Variants in SUMF1 observed in about 807,000 individuals in gnomAD.
SUMF1 encodes formylglycine-generating enzyme.
SUMF1 carries 48 observed loss-of-function variants against 47.6 expected under a neutral mutation model. The observed-to-expected ratio is 1.01, with a 90% CI of 0.80 to 1.28. SUMF1 has a LOEUF of 1.28. Ranked by LOEUF, SUMF1 falls within the 50% of genes most tolerant of loss-of-function variation. The pLI, the probability that SUMF1 is intolerant of heterozygous loss-of-function variation, is 0.00. For synonymous variants in SUMF1, 230 were observed against 192.1 expected (o/e 1.20, Z -1.63); for missense variants, 571 against 485.4 (o/e 1.18, Z -1.66).
rs114718718 is a variant in SUMF1 at position 4,202,410 on chromosome 3, T to C, written c.1015-133665A>G. On this transcript the variant is annotated intron_variant and NMD_transcript_variant, in intron 8 of 12. Transcript: ENST00000448413. The stretch of plus-strand genomic sequence containing the variant: ...GGCACCTCTGTCAAAAATGAATTCA[T>C]TGTAGATGTTTATGGTTGTATTTAT... Among the ~76,000 whole-genome samples the C allele has an allele frequency of 7.8e-3, 1,193 of 152,088 alleles. 3 individuals carry two copies. Among genetic ancestry groups the C allele is most frequent in the Middle Eastern group, 0.024 (7 of 294 alleles).
Position 4,216,076 on chromosome 3 carries a change from T to C in SUMF1, c.1015-147331A>G, listed in dbSNP as rs542125684. Among the ~76,000 whole-genome samples the C allele has an allele frequency of 4.6e-5, 7 of 152,246 alleles. No individual in the cohort carries two copies. The South Asian group carries it at 1.0e-3, about 23-fold the overall frequency. On this transcript the variant is annotated intron_variant and NMD_transcript_variant, in intron 8 of 12. Coordinates refer to the SUMF1 transcript ENST00000448413. ...ATATGGAACCAAAAAAGAGCCCACATAGCCAAGACAATCCTAAGCAAAAAG... is the reference window on the plus strand; with the variant it reads ...ATATGGAACCAAAAAAGAGCCCACACAGCCAAGACAATCCTAAGCAAAAAG...
intron 9 of SUMF1, among the ~76,000 whole-genome samples, chr3:4,042,296 A>G (rs1180791496): frequency 6.6e-6 from 1 of 152,244 alleles, no homozygotes; most frequent in Non-Finnish European, 1.5e-5. Context: ...CAATTGTCCA[A>G]ATCAAAATGG....
intron 8 of SUMF1, among the ~76,000 whole-genome samples, chr3:4,291,393 CCTT>C (rs749198682): frequency 4.6e-5 from 7 of 152,256 alleles, no homozygotes; most frequent in East Asian, 1.9e-4. Flanking sequence ...TGCTCTCTCT[CCTT>C]GTCTCCTGCA....
At chr3:4,417,324 A>G in intron 5 of SUMF1, 82 bp from the exon 6 acceptor site, 2 of 1,097,546 alleles carry the variant, frequency 1.8e-6, no homozygotes, top group Non-Finnish European at 1.4e-6. Flanking sequence ...GCAATGAAAA[A>G]GAGAACATTG....
intron 8 of SUMF1, among the ~76,000 whole-genome samples, chr3:4,307,753 C>T (rs1698246885): frequency 6.6e-6 from 1 of 152,056 alleles, no homozygotes; most frequent in African/African-American, 2.4e-5. Flanking sequence ...TTAAAAAATC[C>T]CAGCCAGGCA....
In SUMF1 at chr3:4,442,638, G is replaced by GAAAAA. The variant is rs61296884; in HGVS notation, c.519+6623_519+6627dup. On this transcript the variant is annotated intron_variant, in intron 3 of 8. Coordinates refer to ENST00000272902, the MANE Select transcript of SUMF1 (RefSeq NM_182760.4). Reference sequence around the variant, plus strand: ...AAATAGAGGGACAAGAGAGAAAAAGGAAAAAAAAAAAAAAGAGAGAGAAAA... The same window carrying GAAAAA: ...AAATAGAGGGACAAGAGAGAAAAAGGAAAAAAAAAAAAAAAAAAAGAGAGAGAAAA... Among the ~76,000 whole-genome samples, 177 of 61,308 alleles carry GAAAAA rather than the reference G, an allele frequency of 2.9e-3. 3 individuals are homozygous for GAAAAA. The highest frequency in any genetic ancestry group is 7.0e-3 in the African/African-American group (153 of 21,904). 40.2% of individuals were successfully genotyped at this position (61,308 alleles called of 152,430 possible). A position where few individuals can be genotyped will look rare whatever the true frequency, so the allele number is the denominator to read the frequency against.
intron 9 of SUMF1, among the ~76,000 whole-genome samples, chr3:4,051,277 C>T (rs1156340458): frequency 1.3e-5 from 2 of 151,832 alleles, no homozygotes; most frequent in Non-Finnish European, 2.9e-5. Context: ...GCTTTATTTC[C>T]TATCTCCACA....
intron 7 of SUMF1, among the ~76,000 whole-genome samples, chr3:4,386,586 C>T (rs1700680756): frequency 6.6e-6 from 1 of 151,976 alleles, no homozygotes; most frequent in African/African-American, 2.4e-5. Flanking sequence ...ATCTGTATAC[C>T]TCTTATTTCC....
intron 8 of SUMF1, among the ~76,000 whole-genome samples, chr3:4,261,479 T>A (rs1193160422): frequency 6.6e-6 from 1 of 152,234 alleles, no homozygotes; most frequent in Non-Finnish European, 1.5e-5. Context: ...AGTTTGGAAT[T>A]TGCAGAAATT....
At chr3:4,128,008 G>T (rs748848307) in intron 8 of SUMF1, among the ~76,000 whole-genome samples, 1 of 151,944 alleles carries the variant, frequency 6.6e-6, no homozygotes, top group Admixed American at 6.6e-5. Flanking sequence ...TTGACCATAC[G>T]TGGAGAACCG....
intron 3 of SUMF1, among the ~76,000 whole-genome samples, chr3:4,444,023 G>C (rs891177070): frequency 2.0e-5 from 3 of 152,088 alleles, no homozygotes; most frequent in African/African-American, 7.2e-5. Flanking sequence ...ACACAGTCTA[G>C]TGAAATCACT....
intron 8 of SUMF1, among the ~76,000 whole-genome samples, chr3:4,262,372 T>G (rs1303954336): frequency 1.3e-5 from 2 of 152,140 alleles, no homozygotes; most frequent in African/African-American, 4.8e-5. Flanking sequence ...ACTGCCTCTT[T>G]CCTCTGAGTG....
chr3:4,283,832 G>C (rs1697576168), intron 8 of SUMF1, among the ~76,000 whole-genome samples: 1 of 152,112 alleles, frequency 6.6e-6, no homozygotes, highest in Non-Finnish European at 1.5e-5. Context: ...CAGCATATTT[G>C]GCGTCTGGTA....
Position 4,083,839 on chromosome 3 carries a change from CAA to C in SUMF1, c.1015-15096_1015-15095del, listed in dbSNP as rs68132287. The stretch of plus-strand genomic sequence containing the variant: ...CATCATCGTTGGCACACAGGCATGT[CAA>C]AAAAAAAAAAAAAGAGCTTAGAAAT... On this transcript the variant is annotated intron_variant and NMD_transcript_variant, in intron 8 of 12. Coordinates refer to the SUMF1 transcript ENST00000448413. Among the ~76,000 whole-genome samples the C allele has an allele frequency of 2.9e-3, 275 of 95,884 alleles. 3 individuals carry two copies. Among genetic ancestry groups the C allele is most frequent in the Middle Eastern group, 0.014 (2 of 148 alleles). 62.9% of individuals were successfully genotyped at this position (95,884 alleles called of 152,430 possible). A position where few individuals can be genotyped will look rare whatever the true frequency, so the allele number is the denominator to read the frequency against.
chr3:4,167,851 A>C (rs1243598996), intron 8 of SUMF1, among the ~76,000 whole-genome samples: 4 of 152,222 alleles, frequency 2.6e-5, no homozygotes, highest in Non-Finnish European at 5.9e-5. Flanking sequence ...AGGAAGATAG[A>C]GCAGGCATCT....
chr3:4,348,659 G>A (rs1020954923), intron 8 of SUMF1, among the ~76,000 whole-genome samples: 1 of 151,618 alleles, frequency 6.6e-6, no homozygotes, highest in Non-Finnish European at 1.5e-5. Flanking sequence ...GAGATCAGGA[G>A]TTTGAGGCCA....
chr3:4,096,284 CAAGG>C (rs1692902215), intron 8 of SUMF1, among the ~76,000 whole-genome samples: 1 of 152,150 alleles, frequency 6.6e-6, no homozygotes, highest in African/African-American at 2.4e-5. Context: ...GACTGCAACA[CAAGG>C]ACCCTAATTC....
intron 8 of SUMF1, among the ~76,000 whole-genome samples, chr3:4,196,986 A>C (rs1695442693): frequency 6.6e-6 from 1 of 152,108 alleles, no homozygotes; most frequent in South Asian, 2.1e-4. Context: ...CTTCCATTCT[A>C]ACCCTACTGG....
downstream of SUMF1, among the ~76,000 whole-genome samples, chr3:4,356,405 G>A (rs1406870887): frequency 6.6e-6 from 1 of 152,116 alleles, no homozygotes; most frequent in Non-Finnish European, 1.5e-5. Context: ...CTGTTAAATG[G>A]TTTTCCGTGG....
Sources: allele counts gnomAD v4.1 joint callset (sites outside exome capture counted in the v4.1 genomes callset), GRCh38; gene constraint gnomAD v4.1.1; transcripts MANE v1.5; gene names NCBI Gene and HGNC (gene_info 2026-07-23, HGNC 2026-07-21).